Variants in APCDD1L observed in about 807,000 individuals in gnomAD.
APCDD1L encodes APC down-regulated 1 like, also known as protein APCDD1-like.
A neutral mutation model predicts 24.2 loss-of-function variants in APCDD1L; 21 were observed. That is an observed-to-expected ratio of 0.87 (90% CI 0.61 to 1.25). The LOEUF is 1.25. Ranked by LOEUF, APCDD1L falls within the 50% of genes most tolerant of loss-of-function variation. The pLI is 0.00. For missense variants in APCDD1L, 704 were observed against 711.7 expected (o/e 0.99, Z 0.12); for synonymous variants, 321 against 323.6 (o/e 0.99, Z 0.09).
At chr20:58,473,040 A>C (rs763840811) in intron 1 of APCDD1L, among the ~76,000 whole-genome samples, 1 of 152,188 alleles carries the variant, frequency 6.6e-6, no homozygotes, top group Non-Finnish European at 1.5e-5. Flanking sequence ...ACCTGTCCAA[A>C]AGTGTTGATT....
At chr20:58,505,999 G>A (rs1322232085) in intron 1 of APCDD1L, among the ~76,000 whole-genome samples, 1 of 152,144 alleles carries the variant, frequency 6.6e-6, no homozygotes, top group Non-Finnish European at 1.5e-5. Context: ...CCTTCTACAG[G>A]CTTCAGAGGG....
chr20:58,484,277 T>C (rs2123160073), intron 1 of APCDD1L, among the ~76,000 whole-genome samples: 1 of 152,322 alleles, frequency 6.6e-6, no homozygotes, highest in Non-Finnish European at 1.5e-5. Flanking sequence ...TAAAAGCGCG[T>C]CCACAGTCAC....
intron 1 of APCDD1L, among the ~76,000 whole-genome samples, chr20:58,479,609 T>TTTTC (rs1989985983): frequency 6.6e-6 from 1 of 151,858 alleles, no homozygotes. Context: ...TTTTTTTTTT[T>TTTTC]TTTCTTAAAA....
At chr20:58,505,122 CAT>C (rs1192444850) in intron 1 of APCDD1L, among the ~76,000 whole-genome samples, 12 of 152,286 alleles carry the variant, frequency 7.9e-5, no homozygotes, top group East Asian at 1.9e-4. Flanking sequence ...CTGCTCATTT[CAT>C]ATGTTTTCTT....
chr20:58,468,020 G>A (rs1989750738), intron 2 of APCDD1L, among the ~76,000 whole-genome samples: 1 of 152,050 alleles, frequency 6.6e-6, no homozygotes, highest in Admixed American at 6.5e-5. Flanking sequence ...CCCAGAGCCC[G>A]CCCCACTCCC....
At chr20:58,485,617 G>A (rs1990105801) in intron 1 of APCDD1L, among the ~76,000 whole-genome samples, 1 of 152,144 alleles carries the variant, frequency 6.6e-6, no homozygotes, top group South Asian at 2.1e-4. Flanking sequence ...CAGATGAAAA[G>A]CTGACAGGGG....
intron 1 of APCDD1L, among the ~76,000 whole-genome samples, chr20:58,484,350 G>A (rs1990080647): frequency 6.6e-6 from 1 of 152,216 alleles, no homozygotes; most frequent in South Asian, 2.1e-4. Flanking sequence ...TCTAGAGTCT[G>A]GGGATGCCAA....
chr20:58,497,587 A>G lies in APCDD1L; in HGVS notation c.49+17072T>C, dbSNP rs912394917. ...CGTCTCTTCACATCGTCTTCCTTCG[A>G]CGCAGGTCTGCGTCCAAATATCCCC... On this transcript the variant is annotated intron_variant, in intron 1 of 3. Coordinates refer to ENST00000371149, the MANE Select transcript of APCDD1L (RefSeq NM_153360.3). The surrounding 1 kb of genome is among the most constrained non-coding windows in gnomAD (Gnocchi z 4.3). Among the ~76,000 whole-genome samples the G allele has an allele frequency of 6.6e-6, 1 of 152,020 alleles. No homozygotes were observed. The highest frequency in any genetic ancestry group is 2.4e-5 in the African/African-American group (1 of 41,450).
At chr20:58,514,039 A>C in intron 1 of APCDD1L, 6 of 1,096,934 alleles carry the variant, frequency 5.5e-6, no homozygotes, top group East Asian at 6.1e-5. Flanking sequence ...TGTCTACCCT[A>C]CTCCCCACCC....
At chr20:58,480,249 C>G (rs1329149536) in intron 1 of APCDD1L, among the ~76,000 whole-genome samples, 1 of 152,178 alleles carries the variant, frequency 6.6e-6, no homozygotes, top group Non-Finnish European at 1.5e-5. Flanking sequence ...CTTCAGCATC[C>G]CAGCCCTGTG....
At chr20:58,492,316 T>G (rs1315990392) in intron 1 of APCDD1L, among the ~76,000 whole-genome samples, 1 of 152,174 alleles carries the variant, frequency 6.6e-6, no homozygotes, top group Admixed American at 6.5e-5. Context: ...ACAGGTTGTG[T>G]AAAGAAGTCC....
rs1989593441 is a variant in APCDD1L at position 58,461,186 on chromosome 20, C to G, written c.1110G>C (p.Met370Ile). The G allele has an allele frequency of 6.2e-7, 1 of 1,613,376 alleles. No homozygotes were observed. The change falls in exon 4 of 4, where the codon ATG becomes ATC. Residue 370 changes from methionine to isoleucine, a missense_variant. Coordinates refer to ENST00000371149, the MANE Select transcript of APCDD1L (RefSeq NM_153360.3). The surrounding 1 kb of genome is among the most constrained non-coding windows in gnomAD (Gnocchi z 6.0). ...VTPMDQVTTA[M>I]LNFSEPSSCG... ...AGCTGCTTGGCTCAGAGAAGTTGAG[C>G]ATGGCCGTGGTGACCTGGTCCATGG...
chr20:58,475,315 G>A (rs891835930), intron 1 of APCDD1L, among the ~76,000 whole-genome samples: 1 of 152,136 alleles, frequency 6.6e-6, no homozygotes, highest in African/African-American at 2.4e-5. Flanking sequence ...GGTGGGGTGC[G>A]AGGTGATTTC....
At chr20:58,510,051 TC>T (rs1660414247) in intron 1 of APCDD1L, among the ~76,000 whole-genome samples, 1 of 149,708 alleles carries the variant, frequency 6.7e-6, no homozygotes, top group African/African-American at 2.6e-5. Context: ...TTCTGCCTCC[TC>T]CTCATTCAGT....
rs777085706 is a variant in APCDD1L, at chr20:58,508,974, G to A, written c.49+5685C>T. On this transcript the variant is annotated intron_variant, in intron 1 of 3. Transcript: ENST00000371149. This position sits in a 1 kb window ranked among gnomAD's most constrained non-coding sequence, Gnocchi z 4.0. Reference sequence around the variant, plus strand: ...TGTGCATGTGTGTCTGTGTGCGCACGTGTGTGTGCATGTGCATGCGTGTGT... The same window carrying A: ...TGTGCATGTGTGTCTGTGTGCGCACATGTGTGTGCATGTGCATGCGTGTGT... Among the ~76,000 whole-genome samples the A allele has an allele frequency of 3.5e-5, 5 of 144,854 alleles. No individual in the cohort carries two copies. The highest frequency in any genetic ancestry group is 5.2e-5 in the African/African-American group (2 of 38,480).
Position 58,461,348 on chromosome 20 carries a change from G to A in APCDD1L, c.948C>T (p.His316=). The change falls in exon 4 of 4, where the codon CAC becomes CAT. Residue 316 remains histidine, a synonymous_variant. Transcript: ENST00000371149. The surrounding 1 kb of genome is among the most constrained non-coding windows in gnomAD (Gnocchi z 6.0). ...GCCGGCAGGCTGGGTCTGAGAAGTG[G>A]TGGTAATACCCTTCCCAGGAGCGGC... ...GHSRSWEGYY[H]HFSDPACRQP... is the part of the protein sequence containing the mutation. 6.3e-7 allele frequency: 1 copy of A among 1,592,262 alleles called. No homozygotes were observed. Among genetic ancestry groups the A allele is most frequent in the Non-Finnish European group, 8.6e-7 (1 of 1,165,586 alleles).
In APCDD1L at chr20:58,514,844, C is replaced by T; in HGVS notation, c.-137G>A. On this transcript the variant is annotated 5_prime_UTR_variant, in exon 1 of 4. Coordinates refer to ENST00000371149, the MANE Select transcript of APCDD1L (RefSeq NM_153360.3). ...GCGAAGAAGTTGCGAGGGTCCTGCG[C>T]CCCCCTCGGCGCTCACACGCGCTCA... 1.7e-6 allele frequency: 1 copy of T among 590,536 alleles called. No individual in the cohort carries two copies. The highest frequency in any genetic ancestry group is 2.5e-6 in the Non-Finnish European group (1 of 397,958). 36.6% of individuals were successfully genotyped at this position (590,536 alleles called of 1,614,324 possible).
At chr20:58,464,860 T>TTTC (rs1568733824) in intron 3 of APCDD1L, among the ~76,000 whole-genome samples, 3 of 151,258 alleles carry the variant, frequency 2.0e-5, no homozygotes, top group African/African-American at 7.3e-5. Context: ...TTCTTTCTTT[T>TTTC]TTTTTTTTTC....
intron 1 of APCDD1L, among the ~76,000 whole-genome samples, chr20:58,496,261 GCC>G (rs1990319619): frequency 6.6e-6 from 1 of 152,226 alleles, no homozygotes; most frequent in Admixed American, 6.5e-5. Context: ...TGGGCAGGGA[GCC>G]AGGCCCCAGG....
Sources: gnomAD v4.1 joint callset for allele counts (sites outside exome capture counted in the v4.1 genomes callset) on GRCh38, gnomAD v4.1.1 for gene constraint, Gnocchi (gnomAD v3.1) non-coding constraint, MANE v1.5 for transcripts, NCBI Gene and HGNC (gene_info 2026-07-23, HGNC 2026-07-21) for gene names.